FBXO28: variants seen among roughly 807,000 people sequenced by gnomAD.
FBXO28 encodes F-box only protein 28.
A neutral mutation model predicts 38.1 loss-of-function variants in FBXO28; 8 were observed. The ratio of observed to expected loss-of-function variants is 0.21; its 90% CI spans 0.12 to 0.38. FBXO28 has a LOEUF of 0.38. Ranked by LOEUF, FBXO28 falls within the 10% of genes least tolerant of loss-of-function variation. The pLI, the probability that FBXO28 is intolerant of heterozygous loss-of-function variation, is 1.00. For synonymous variants in FBXO28, 168 were observed against 173.8 expected (o/e 0.97, Z 0.26); for missense variants, 345 against 460.6 (o/e 0.75, Z 2.30).
At chr1:224,154,685 G>A (rs1231000221) in intron 4 of FBXO28, among the ~76,000 whole-genome samples, 1 of 152,116 alleles carries the variant, frequency 6.6e-6, no homozygotes, top group Non-Finnish European at 1.5e-5. Context: ...GTGGGTGTCT[G>A]TAGTTCCAGC....
chr1:224,125,511 T>C (rs1366574378), intron 1 of FBXO28, among the ~76,000 whole-genome samples: 1 of 152,188 alleles, frequency 6.6e-6, no homozygotes, highest in Non-Finnish European at 1.5e-5. Context: ...AGTCCTGGTA[T>C]GATAGCGCTT....
intron 3 of FBXO28, among the ~76,000 whole-genome samples, chr1:224,152,688 T>C (rs1657674788): frequency 6.6e-6 from 1 of 152,108 alleles, no homozygotes; most frequent in African/African-American, 2.4e-5. Flanking sequence ...CTTTGCACTT[T>C]GGGAGGCCGA....
chr1:224,122,614 C>A (rs902295922), intron 1 of FBXO28, among the ~76,000 whole-genome samples: 2 of 151,982 alleles, frequency 1.3e-5, no homozygotes, highest in East Asian at 1.9e-4. Flanking sequence ...ACAGCCCCCC[C>A]CAAGCCCCGC....
intron 3 of FBXO28, among the ~76,000 whole-genome samples, chr1:224,142,330 C>T (rs200687836): frequency 6.1e-5 from 9 of 147,340 alleles, no homozygotes; most frequent in African/African-American, 1.8e-4. Flanking sequence ...CCAGCTTGGG[C>T]GACAGAGCAA....
Position 224,114,191 on chromosome 1 carries a change from G to C in FBXO28, c.62G>C (p.Gly21Ala), listed in dbSNP as rs1427569686. 1 of 1,547,908 alleles carries C rather than the reference G, an allele frequency of 6.5e-7. No homozygotes were observed. The highest frequency in any genetic ancestry group is 2.0e-5 in the Admixed American group (1 of 50,954). The change falls in exon 1 of 5, where the codon GGT becomes GCT. Residue 21 changes from glycine (G) to alanine (A), a missense_variant. Physicochemically the swap from Gly to Ala is moderately conservative, Grantham distance 60 (BLOSUM62 0). Coordinates refer to ENST00000366862, the MANE Select transcript of FBXO28 (RefSeq NM_015176.4). ...GGAGGCGGCGGCCAAGGCGACGGCG[G>C]TTCCTCTTTGGCCTCCGGCTCTACC... ...EEGGGGQGDG[G>A]SSLASGSTQR...
Position 224,114,186 on chromosome 1 carries a change from C to T in FBXO28, c.57C>T (p.Asp19=). The change falls in exon 1 of 5, where the codon GAC becomes GAT. Residue 19 remains aspartate, a synonymous_variant. Transcript: ENST00000366862. ...AGGAAGGAGGCGGCGGCCAAGGCGA[C>T]GGCGGTTCCTCTTTGGCCTCCGGCT... ...MAEEGGGGQG[D]GGSSLASGST... is the part of the protein sequence containing the mutation. 1 of 1,547,622 alleles carries T rather than the reference C, an allele frequency of 6.5e-7. No homozygotes were observed. Among genetic ancestry groups the T allele is most frequent in the Non-Finnish European group, 8.7e-7 (1 of 1,146,012 alleles).
chr1:224,153,367 A>G (rs532954596), intron 4 of FBXO28, 30 bp downstream of exon 4: 7 of 1,498,268 alleles, frequency 4.7e-6, no homozygotes, highest in South Asian at 4.1e-5. Flanking sequence ...ATGCTTGTAC[A>G]TAATTTTGTA....
intron 2 of FBXO28, among the ~76,000 whole-genome samples, chr1:224,133,762 C>T (rs1657111070): frequency 6.6e-6 from 1 of 152,122 alleles, no homozygotes; most frequent in South Asian, 2.1e-4. Context: ...CCACCCGCCT[C>T]AGCCTCCTAA....
intron 1 of FBXO28, 104 bp downstream of exon 1, chr1:224,114,500 C>A: frequency 9.8e-7 from 1 of 1,015,662 alleles, no homozygotes; most frequent in Non-Finnish European, 1.4e-6. Flanking sequence ...CGAGCCCCAG[C>A]CGGCTACAGA....
chr1:224,145,777 T>C (rs1398151660), intron 3 of FBXO28, among the ~76,000 whole-genome samples: 1 of 151,632 alleles, frequency 6.6e-6, no homozygotes, highest in African/African-American at 2.4e-5. Flanking sequence ...ACAAAAATTA[T>C]CCGGGCATGG....
intron 3 of FBXO28, among the ~76,000 whole-genome samples, chr1:224,137,207 T>C (rs1240505098): frequency 6.6e-6 from 1 of 151,828 alleles, no homozygotes; most frequent in African/African-American, 2.4e-5. Flanking sequence ...TAGCCAAATA[T>C]GTACCAAAAT....
At position 224,136,739 on chromosome 1, in the gene FBXO28, A is replaced by G. The variant is rs571779795; in HGVS notation, c.516+2527A>G. Among the ~76,000 whole-genome samples, 309 of 151,472 alleles carry G rather than the reference A, an allele frequency of 2.0e-3. 6 individuals are homozygous for G. The highest frequency in any genetic ancestry group is 6.5e-3 in the African/African-American group (266 of 41,014). ...CAAGACTTTGTCTCCAGAAAAAAAA[A>G]AAGTTCAGAAGTCTTTTTGTTTTTG... On this transcript the variant is annotated intron_variant, in intron 3 of 4. Transcript: ENST00000366862.
intron 1 of FBXO28, among the ~76,000 whole-genome samples, chr1:224,125,087 A>G (rs1340848052): frequency 3.3e-5 from 5 of 150,320 alleles, no homozygotes; most frequent in Non-Finnish European, 7.4e-5. Context: ...TCCTTACAAT[A>G]TTGCCTAATG....
chr1:224,152,200 T>C (rs1189862262), intron 3 of FBXO28, among the ~76,000 whole-genome samples: 1 of 151,944 alleles, frequency 6.6e-6, no homozygotes, highest in African/African-American at 2.4e-5. Flanking sequence ...ATTACAATTA[T>C]CATTAAAACA....
chr1:224,117,165 A>ATTTT (rs71168310), intron 1 of FBXO28, among the ~76,000 whole-genome samples: 4,189 of 122,124 alleles, frequency 0.034, 396 homozygotes, highest in African/African-American at 0.12. Context: ...AATAAATTGG[A>ATTTT]TTTTTTTTTT....
intron 3 of FBXO28, among the ~76,000 whole-genome samples, chr1:224,139,570 C>T (rs1193655776): frequency 6.6e-6 from 1 of 151,962 alleles, no homozygotes; most frequent in Non-Finnish European, 1.5e-5. Flanking sequence ...GGTGAAACCC[C>T]GTCTCTACTA....
intron 3 of FBXO28, among the ~76,000 whole-genome samples, chr1:224,144,216 C>G (rs1328422314): frequency 2.0e-5 from 3 of 150,308 alleles, no homozygotes; most frequent in African/African-American, 7.4e-5. Flanking sequence ...GTAATCCCAG[C>G]ACTTTGGGAG....
At chr1:224,121,505 T>TCC (rs1418802899) in intron 1 of FBXO28, among the ~76,000 whole-genome samples, 24 of 152,158 alleles carry the variant, frequency 1.6e-4, no homozygotes, top group Middle Eastern at 3.2e-3. Context: ...TCTTAGGCAG[T>TCC]AGGTAGAAGA....
intron 1 of FBXO28, among the ~76,000 whole-genome samples, chr1:224,121,726 C>T (rs1027592001): frequency 7.2e-5 from 11 of 152,080 alleles, no homozygotes; most frequent in African/African-American, 2.2e-4. Context: ...TGGCTCACTG[C>T]ATCCTCCACC....
Sources: gnomAD v4.1 joint callset for allele counts (sites outside exome capture counted in the v4.1 genomes callset) on GRCh38, gnomAD v4.1.1 for gene constraint, MANE v1.5 for transcripts, NCBI Gene and HGNC (gene_info 2026-07-23, HGNC 2026-07-21) for gene names.